FAM227B: variants seen among roughly 807,000 people sequenced by gnomAD.
FAM227B encodes family with sequence similarity 227 member B.
Under a neutral mutation model 73.8 loss-of-function variants are expected in FAM227B, and 88 were observed. That is an observed-to-expected ratio of 1.19 (90% CI 1.00 to 1.42). The LOEUF (loss-of-function observed/expected upper bound fraction) is 1.42, where lower values mean the gene tolerates loss of function less well. Ranked by LOEUF, FAM227B falls within the 40% of genes most tolerant of loss-of-function variation. FAM227B has a pLI of 0.00. For synonymous variants in FAM227B, 210 were observed against 190.5 expected (o/e 1.10, Z -0.84); for missense variants, 632 against 590.9 (o/e 1.07, Z -0.72).
At chr15:49,349,975 G>GT (rs1219564030) in intron 13 of FAM227B, among the ~76,000 whole-genome samples, 10 of 152,158 alleles carry the variant, frequency 6.6e-5, no homozygotes, top group African/African-American at 2.4e-4. Context: ...AACTTTGTTG[G>GT]TAACTTTGTT....
At chr15:49,523,342 T>C (rs1159045400) in intron 10 of FAM227B, among the ~76,000 whole-genome samples, 1 of 152,110 alleles carries the variant, frequency 6.6e-6, no homozygotes, top group Non-Finnish European at 1.5e-5. Flanking sequence ...GGTGAATAAG[T>C]CTCACAAGAT....
chr15:49,538,155 GGAGA>G (rs904446621), intron 10 of FAM227B, among the ~76,000 whole-genome samples: 1 of 152,312 alleles, frequency 6.6e-6, no homozygotes, highest in African/African-American at 2.4e-5. Context: ...TTGCAAGCCA[GGAGA>G]GAGTTTGATT....
chr15:49,498,183 T>C (rs2057793159), intron 11 of FAM227B, among the ~76,000 whole-genome samples: 1 of 152,220 alleles, frequency 6.6e-6, no homozygotes, highest in South Asian at 2.1e-4. Flanking sequence ...AAATGACTGA[T>C]AGGCAGTACG....
At chr15:49,499,531 G>A (rs1348150304) in intron 11 of FAM227B, among the ~76,000 whole-genome samples, 5 of 152,106 alleles carry the variant, frequency 3.3e-5, no homozygotes, top group African/African-American at 1.2e-4. Context: ...ATATATTTTA[G>A]AAACTGACTA....
At chr15:49,454,092 A>C (rs1388802685) in intron 11 of FAM227B, among the ~76,000 whole-genome samples, 1 of 152,156 alleles carries the variant, frequency 6.6e-6, no homozygotes, top group Non-Finnish European at 1.5e-5. Context: ...GTAGGTTTGA[A>C]ACTCTGCTTT....
chr15:49,489,877 T>TAGAG lies in FAM227B; in HGVS notation c.1012+18333_1012+18334insCTCT, dbSNP rs1242200877. ...TATATATTTTATATATATATATATA[T>TAGAG]ATATATAGAGAGAGAGAGAGAGAGA... On this transcript the variant is annotated intron_variant, in intron 11 of 15. Transcript: ENST00000299338. Among the ~76,000 whole-genome samples the TAGAG allele has an allele frequency of 4.5e-4, 8 of 17,588 alleles. 1 individual carries two copies. Among genetic ancestry groups the TAGAG allele is most frequent in the South Asian group, 2.0e-3 (1 of 496 alleles). The allele number at this position is 17,588 out of a possible 152,430, so 11.5% of individuals were successfully genotyped here.
chr15:49,474,693 C>T (rs1306138810), intron 11 of FAM227B, among the ~76,000 whole-genome samples: 1 of 152,110 alleles, frequency 6.6e-6, no homozygotes, highest in Non-Finnish European at 1.5e-5. Flanking sequence ...AACTAGGCGG[C>T]AGAGCAGGAG....
At chr15:49,384,382 A>G (rs1242579870) in intron 11 of FAM227B, among the ~76,000 whole-genome samples, 1 of 152,040 alleles carries the variant, frequency 6.6e-6, no homozygotes, top group East Asian at 1.9e-4. Context: ...CTGAGTGTTA[A>G]TTATGCTCAA....
intron 4 of FAM227B, among the ~76,000 whole-genome samples, chr15:49,588,584 T>C (rs1227634754): frequency 6.3e-5 from 6 of 95,072 alleles, no homozygotes; most frequent in Admixed American, 3.9e-4. Flanking sequence ...TATATATATA[T>C]ATATATATAT....
rs550351061 is a variant in FAM227B at position 49,368,163 on chromosome 15, A to C, written c.1111-555T>G. On this transcript the variant is annotated intron_variant, in intron 12 of 15. Transcript: ENST00000299338. ...ACAGGCCAGAAGGCAGTGGGATAGC[A>C]TAGAGGTGCTGATGGAAAAAAAAAA... 2.6e-5 allele frequency among the ~76,000 whole-genome samples: 4 copies of C among 152,166 alleles called. 1 individual carries two copies. The highest frequency in any genetic ancestry group is 9.6e-5 in the African/African-American group (4 of 41,556).
chr15:49,416,493 T>C (rs142896300), intron 11 of FAM227B, among the ~76,000 whole-genome samples: 5 of 152,260 alleles, frequency 3.3e-5, no homozygotes, highest in African/African-American at 1.2e-4. Flanking sequence ...AGCATCGTAT[T>C]TGAAGTCCGA....
rs182363502 is a variant in FAM227B at position 49,562,963 on chromosome 15, A to T, written c.747+5282T>A. ...AAAGGCAAGGATGCCCACACTCACC[A>T]TTCCTATTTAACTAGTACTGGAAGT... On this transcript the variant is annotated intron_variant, in intron 9 of 15. Transcript: ENST00000299338. Among the ~76,000 whole-genome samples, 361 of 152,252 alleles carry T rather than the reference A, an allele frequency of 2.4e-3. 2 individuals carry two copies. The highest frequency in any genetic ancestry group is 3.3e-3 in the Non-Finnish European group (221 of 67,968).
At chr15:49,561,411 A>G (rs1196310026) in intron 9 of FAM227B, among the ~76,000 whole-genome samples, 1 of 152,152 alleles carries the variant, frequency 6.6e-6, no homozygotes, top group Non-Finnish European at 1.5e-5. Context: ...GCCACACAAT[A>G]TTAGTAGGAA....
intron 3 of FAM227B, among the ~76,000 whole-genome samples, chr15:49,608,331 A>C (rs1347063521): frequency 1.3e-5 from 2 of 152,170 alleles, no homozygotes; most frequent in Non-Finnish European, 2.9e-5. Flanking sequence ...CAGTGGCAGA[A>C]GCACAAATTA....
chr15:49,541,806 T>G lies in FAM227B; in HGVS notation c.748A>C (p.Ile250Leu), dbSNP rs760336809. 2.1e-6 allele frequency: 3 copies of G among 1,411,018 alleles called. No individual in the cohort carries two copies. Among genetic ancestry groups the G allele is most frequent in the Admixed American group, 2.7e-5 (1 of 36,934 alleles). 87.4% of individuals were successfully genotyped at this position (1,411,018 alleles called of 1,614,324 possible). ...PLSRKDAFFQ[I>L]YPDCLAQAIY... ...GCTTGTGCCAAACAATCAGGATATA[T>G]CTACCAAAATAAAATCAAATTAGAT... Residue 250 changes from isoleucine (I) to leucine (L), a missense_variant and splice_region_variant, in exon 10 of 16, where the codon ATA becomes CTA. Coordinates refer to ENST00000299338, the MANE Select transcript of FAM227B (RefSeq NM_152647.3).
chr15:49,519,357 C>T (rs545412811), intron 10 of FAM227B, among the ~76,000 whole-genome samples: 6 of 152,310 alleles, frequency 3.9e-5, no homozygotes, highest in Non-Finnish European at 7.4e-5. Flanking sequence ...CTAGGCAGTA[C>T]CCCCGTGGGG....
intron 12 of FAM227B, among the ~76,000 whole-genome samples, chr15:49,369,250 C>A (rs1051888067): frequency 1.3e-5 from 2 of 152,146 alleles, no homozygotes; most frequent in African/African-American, 4.8e-5. Flanking sequence ...AGCCACTGCA[C>A]CCGGCCTGGT....
At chr15:49,424,212 G>A (rs1186855304) in intron 11 of FAM227B, 2 of 1,184,448 alleles carry the variant, frequency 1.7e-6, no homozygotes, top group African/African-American at 3.0e-5. Flanking sequence ...TCACAGATAG[G>A]AAGAGGTCAA....
intron 10 of FAM227B, among the ~76,000 whole-genome samples, chr15:49,510,968 T>C (rs564594040): frequency 6.6e-6 from 1 of 152,156 alleles, no homozygotes; most frequent in East Asian, 1.9e-4. Flanking sequence ...AAGTTTTTTT[T>C]TTTTAGCATT....
Sources: allele counts gnomAD v4.1 joint callset (sites outside exome capture counted in the v4.1 genomes callset), GRCh38; gene constraint gnomAD v4.1.1; transcripts MANE v1.5; gene names NCBI Gene and HGNC (gene_info 2026-07-23, HGNC 2026-07-21).